The following ARHGEF18 variants were observed in gnomAD, a reference collection of about 807,000 sequenced individuals.
ARHGEF18 encodes Rho/Rac guanine nucleotide exchange factor 18, also known as rho guanine nucleotide exchange factor 18.
Under a neutral mutation model 155.7 loss-of-function variants are expected in ARHGEF18, and 93 were observed. The ratio of observed to expected loss-of-function variants is 0.60; its 90% CI spans 0.50 to 0.71. ARHGEF18 has a LOEUF of 0.71. Ranked by LOEUF, ARHGEF18 falls within the 30% of genes least tolerant of loss-of-function variation. The pLI is 0.00. For synonymous variants in ARHGEF18, 742 were observed against 753.1 expected (o/e 0.99, Z 0.24); for missense variants, 1,593 against 1,816.1 (o/e 0.88, Z 2.23).
intron 10 of ARHGEF18, among the ~76,000 whole-genome samples, chr19:7,431,432 G>A (rs1326849891): frequency 6.8e-6 from 1 of 147,760 alleles, no homozygotes. Flanking sequence ...CAGGGGAATC[G>A]CTTGGGAGGC....
chr19:7,360,586 C>A (rs1407403710), intron 1 of ARHGEF18, among the ~76,000 whole-genome samples: 1 of 152,182 alleles, frequency 6.6e-6, no homozygotes, highest in Non-Finnish European at 1.5e-5. Context: ...TCAGGGTTCA[C>A]AGATACAGGG....
downstream of ARHGEF18, among the ~76,000 whole-genome samples, chr19:7,476,127 G>A (rs761719667): frequency 2.6e-5 from 4 of 152,214 alleles, 1 homozygote; most frequent in Non-Finnish European, 4.4e-5. Context: ...CCTGGGCAAT[G>A]TGGTGAGACC....
intron 1 of ARHGEF18, among the ~76,000 whole-genome samples, chr19:7,358,252 C>CCCATTCTTCCAT (rs1188894620): frequency 2.9e-5 from 1 of 34,054 alleles, no homozygotes; most frequent in South Asian, 1.3e-3. Flanking sequence ...CACCCATCCA[C>CCCATTCTTCCAT]CCATTCTTCC....
intron 3 of ARHGEF18, 85 bp downstream of exon 3, chr19:7,373,156 C>A: frequency 8.1e-7 from 1 of 1,229,992 alleles, no homozygotes; most frequent in Non-Finnish European, 1.0e-6. Flanking sequence ...GGTCCTAAGA[C>A]AAGCCACCCC....
intron 1 of ARHGEF18, among the ~76,000 whole-genome samples, chr19:7,355,068 TCACACACA>T (rs60457716): frequency 2.4e-3 from 358 of 146,646 alleles, no homozygotes; most frequent in African/African-American, 7.7e-3. Flanking sequence ...CCAATGGGCT[TCACACACA>T]CACACACACA....
intron 10 of ARHGEF18, among the ~76,000 whole-genome samples, chr19:7,406,811 T>C (rs948772613): frequency 6.6e-6 from 1 of 151,960 alleles, no homozygotes; most frequent in African/African-American, 2.4e-5. Flanking sequence ...TCCCAGCACT[T>C]TGGGAGGCCG....
intron 10 of ARHGEF18, among the ~76,000 whole-genome samples, chr19:7,393,938 G>A (rs138677443): frequency 6.6e-6 from 1 of 151,354 alleles, no homozygotes; most frequent in African/African-American, 2.4e-5. Context: ...TGGTATCTAT[G>A]TTGGGGTGTC....
intron 2 of ARHGEF18, among the ~76,000 whole-genome samples, chr19:7,365,758 T>C (rs1323260601): frequency 6.6e-6 from 1 of 152,142 alleles, no homozygotes; most frequent in Non-Finnish European, 1.5e-5. Flanking sequence ...TCCTCTCCCA[T>C]CAGGCACCAA....
rs760405137 is a variant in ARHGEF18 at position 7,470,110 on chromosome 19, CCTCT to C, written c.3914-11_3914-8del. The C allele has an allele frequency of 6.2e-7, 1 of 1,612,228 alleles. No individual in the cohort carries two copies. The highest frequency in any genetic ancestry group is 1.1e-5 in the South Asian group (1 of 91,060). On this transcript the variant is annotated splice_polypyrimidine_tract_variant and intron_variant, in intron 28 of 28. Transcript: ENST00000668164. The surrounding 1 kb of genome is among the most constrained non-coding windows in gnomAD (Gnocchi z 5.9). ...CACCCGGCGACTGCTCAGTCTGAACCCTCTCTCTGTTCCAGACCCTGGCTTCCCC... is the reference window on the plus strand; with the variant it reads ...CACCCGGCGACTGCTCAGTCTGAACCCTCTGTTCCAGACCCTGGCTTCCCC...
intron 10 of ARHGEF18, among the ~76,000 whole-genome samples, chr19:7,415,626 C>A (rs1039081086): frequency 6.6e-6 from 1 of 151,988 alleles, no homozygotes; most frequent in Non-Finnish European, 1.5e-5. Context: ...TTTCTCTGAC[C>A]GGTCCAGACC....
chr19:7,415,006 GTAAA>G (rs750973192), intron 10 of ARHGEF18, among the ~76,000 whole-genome samples: 30 of 151,928 alleles, frequency 2.0e-4, no homozygotes, highest in South Asian at 1.0e-3. Flanking sequence ...AAATAAATAA[GTAAA>G]TAAATAAATA....
At position 7,467,113 on chromosome 19, in the gene ARHGEF18, C is replaced by A. The variant is rs772213575; in HGVS notation, c.3004C>A (p.Leu1002Ile). 1.9e-6 allele frequency: 3 copies of A among 1,600,534 alleles called. No homozygotes were observed. The South Asian group carries it at 3.3e-5, about 18-fold the overall frequency. ...IQTLSQLLLN[L>I]QAVIAHQDSY... ...GACACTGTCCCAGCTGCTCCTGAACCTTCAGGTACAGGGGCGGGGTGGGGC... is the reference window on the plus strand; with the variant it reads ...GACACTGTCCCAGCTGCTCCTGAACATTCAGGTACAGGGGCGGGGTGGGGC... Residue 1002 changes from leucine (L) to isoleucine (I), a missense_variant, in exon 25 of 29, where the codon CTT becomes ATT. Transcript: ENST00000668164.
chr19:7,411,735 A>G (rs1394288297), intron 10 of ARHGEF18, among the ~76,000 whole-genome samples: 1 of 151,632 alleles, frequency 6.6e-6, no homozygotes, highest in Non-Finnish European at 1.5e-5. Flanking sequence ...CCAAGCTGCA[A>G]CTCTGTCCTC....
chr19:7,478,734 T>C, the ARHGEF18 span, among the ~76,000 whole-genome samples: 4 of 152,228 alleles, frequency 2.6e-5, no homozygotes, highest in Admixed American at 6.5e-5. Context: ...AGGCCCGCAG[T>C]TGGACAGGCG....
chr19:7,387,652 G>T (rs959062120), intron 10 of ARHGEF18, among the ~76,000 whole-genome samples: 3 of 152,030 alleles, frequency 2.0e-5, no homozygotes, highest in Non-Finnish European at 4.4e-5. Context: ...ACCTTCGGTG[G>T]TTCCCAAGCT....
chr19:7,415,453 C>T (rs1019175370), intron 10 of ARHGEF18, among the ~76,000 whole-genome samples: 1 of 152,092 alleles, frequency 6.6e-6, no homozygotes, highest in African/African-American at 2.4e-5. Flanking sequence ...GTGTGCCCTG[C>T]TCCCCACGCT....
chr19:7,410,415 C>T (rs541291499), intron 10 of ARHGEF18, among the ~76,000 whole-genome samples: 34 of 151,724 alleles, frequency 2.2e-4, no homozygotes, highest in Middle Eastern at 3.4e-3. Context: ...CATACATACA[C>T]ACACACATAT....
chr19:7,409,057 CTTTTTTTTTTTT>C (rs1013156166), intron 10 of ARHGEF18, among the ~76,000 whole-genome samples: 1 of 115,534 alleles, frequency 8.7e-6, no homozygotes, highest in Non-Finnish European at 1.7e-5. Flanking sequence ...GACCCTGTTT[CTTTTTTTTTTTT>C]TTTTTTTTGA....
At chr19:7,442,167 T>G in intron 13 of ARHGEF18, 115 bp downstream of exon 13, 1 of 886,502 alleles carries the variant, frequency 1.1e-6, no homozygotes, top group Non-Finnish European at 1.6e-6. Flanking sequence ...CCTTCCTTCC[T>G]TCCTTATCTT....
Sources: gnomAD v4.1 joint callset for allele counts (sites outside exome capture counted in the v4.1 genomes callset) on GRCh38, gnomAD v4.1.1 for gene constraint, Gnocchi (gnomAD v3.1) non-coding constraint, MANE v1.5 for transcripts, NCBI Gene and HGNC (gene_info 2026-07-23, HGNC 2026-07-21) for gene names.